TRPM3: variants seen among roughly 807,000 people sequenced by gnomAD.
TRPM3 encodes the protein long transient receptor potential channel 3.
Under a neutral mutation model 181.2 loss-of-function variants are expected in TRPM3, and 77 were observed. The ratio of observed to expected loss-of-function variants is 0.42; its 90% confidence interval spans 0.35 to 0.51. The LOEUF is 0.51. Among genes scored for constraint, TRPM3 ranks in the 20% least tolerant of loss-of-function variants. The pLI, the probability that TRPM3 is intolerant of heterozygous loss-of-function variation, is 0.01. For synonymous variants in TRPM3, 745 were observed against 796.4 expected, an observed-to-expected ratio of 0.94 and a Z score of 1.09; for missense variants, 1,759 against 2,196.7, an observed-to-expected ratio of 0.80 and a Z score of 3.98.
chr9:71,080,268 C>T (rs1219691447), intron 1 of TRPM3, among the ~76,000 whole-genome samples: 2 of 152,050 alleles, frequency 1.3e-5, no homozygotes, highest in African/African-American at 2.4e-5. Context: ...AACGAGACAA[C>T]AGTAACACTA....
intron 1 of TRPM3, among the ~76,000 whole-genome samples, chr9:70,989,153 A>G (rs1412843579): frequency 5.9e-5 from 9 of 152,170 alleles, no homozygotes; most frequent in East Asian, 3.9e-4. Context: ...CACTATATAC[A>G]TATCATGGAA....
intron 1 of TRPM3, among the ~76,000 whole-genome samples, chr9:71,354,018 T>C (rs1469452349): frequency 1.3e-5 from 2 of 152,190 alleles, no homozygotes; most frequent in Non-Finnish European, 2.9e-5. Flanking sequence ...TCTCAAGCAC[T>C]GCAGACTATT....
At chr9:70,906,827 C>T (rs747984676) in intron 1 of TRPM3, among the ~76,000 whole-genome samples, 13 of 152,080 alleles carry the variant, frequency 8.5e-5, no homozygotes, top group Non-Finnish European at 1.2e-4. Flanking sequence ...TGGTTGAACC[C>T]GGGAGGCAGA....
chr9:71,262,656 G>T (rs2083142617), intron 1 of TRPM3, among the ~76,000 whole-genome samples: 1 of 152,234 alleles, frequency 6.6e-6, no homozygotes, highest in Admixed American at 6.5e-5. Flanking sequence ...CAGGGTGCCT[G>T]TGGTGTAGGC....
rs188245739 is a variant in TRPM3, at chr9:70,801,352, G to T, written c.974-17073C>A. Among the ~76,000 whole-genome samples the T allele has an allele frequency of 2.3e-3, 345 of 152,148 alleles. 3 individuals carry two copies. Among genetic ancestry groups the T allele is most frequent in the African/African-American group, 7.9e-3 (326 of 41,512 alleles). On this transcript the variant is annotated intron_variant, in intron 6 of 25. Coordinates refer to ENST00000677713, the MANE Select transcript of TRPM3 (RefSeq NM_001366145.2). ...CTGGTTTCCTGGGATCAAGTTTCTC[G>T]CTCCGTCTAAATCACAGCTGTTCAT...
chr9:71,216,207 C>A (rs2131825550), intron 1 of TRPM3, among the ~76,000 whole-genome samples: 1 of 152,056 alleles, frequency 6.6e-6, no homozygotes, highest in South Asian at 2.1e-4. Flanking sequence ...TTGGTTCAAA[C>A]AATTACATTG....
At chr9:71,216,883 A>G (rs937350199) in intron 1 of TRPM3, among the ~76,000 whole-genome samples, 1 of 148,014 alleles carries the variant, frequency 6.8e-6, no homozygotes, top group Non-Finnish European at 1.5e-5. Flanking sequence ...TGAAAATACC[A>G]TTGCTGTAAT....
At chr9:71,068,635 GTGT>G (rs2062263134) in intron 1 of TRPM3, among the ~76,000 whole-genome samples, 1 of 152,184 alleles carries the variant, frequency 6.6e-6, no homozygotes, top group Non-Finnish European at 1.5e-5. Context: ...CAGGACCTCT[GTGT>G]TACATGCTAT....
chr9:70,681,383 T>C, intron 9 of TRPM3, 123 bp downstream of exon 9: 1 of 789,378 alleles, frequency 1.3e-6, no homozygotes, highest in Non-Finnish European at 2.1e-6. Context: ...GAGACCCCTA[T>C]GTTATCAATA....
At chr9:71,144,829 T>C (rs996711758) in intron 1 of TRPM3, among the ~76,000 whole-genome samples, 8 of 152,100 alleles carry the variant, frequency 5.3e-5, no homozygotes, top group Non-Finnish European at 1.0e-4. Context: ...ATAATTTTAA[T>C]GGAAAAAAAT....
Position 71,198,590 on chromosome 9 carries a change from C to G in TRPM3, c.183+248063G>C, listed in dbSNP as rs199626286. On this transcript the variant is annotated intron_variant, in intron 1 of 24. Coordinates refer to the TRPM3 transcript ENST00000357533. ...TTCTCCTTGAAGAGGTCCTTCACAT[C>G]CCTTGTAAGTTGGATTCCTAGGTAT... is the stretch of plus-strand genomic sequence containing the variant. Among the ~76,000 whole-genome samples the G allele has an allele frequency of 2.0e-5, 3 of 151,868 alleles. No individual in the cohort carries two copies. The East Asian group carries it at 5.8e-4, about 29-fold the overall frequency.
intron 1 of TRPM3, among the ~76,000 whole-genome samples, chr9:70,987,859 ATAAT>A (rs1435118058): frequency 6.6e-6 from 1 of 152,102 alleles, no homozygotes; most frequent in Non-Finnish European, 1.5e-5. Context: ...TATTTTATGG[ATAAT>A]TAATAAATCA....
At chr9:70,773,675 C>G (rs1432726833) in intron 7 of TRPM3, among the ~76,000 whole-genome samples, 1 of 152,130 alleles carries the variant, frequency 6.6e-6, no homozygotes, top group Non-Finnish European at 1.5e-5. Context: ...ATTAGCTTGT[C>G]TCTCAGTCCA....
chr9:71,218,525 C>T (rs2080040896), intron 1 of TRPM3, among the ~76,000 whole-genome samples: 1 of 152,124 alleles, frequency 6.6e-6, no homozygotes, highest in South Asian at 2.1e-4. Context: ...TGAAATTTGC[C>T]AAGGAATCTC....
intron 25 of TRPM3, among the ~76,000 whole-genome samples, chr9:70,544,129 T>C (rs1024278950): frequency 2.0e-5 from 3 of 151,990 alleles, no homozygotes; most frequent in Non-Finnish European, 2.9e-5. Flanking sequence ...CACCAGAAAA[T>C]GTAGGTAACC....
At chr9:71,100,731 C>T (rs1033318416) in intron 1 of TRPM3, among the ~76,000 whole-genome samples, 2 of 152,254 alleles carry the variant, frequency 1.3e-5, no homozygotes, top group South Asian at 2.1e-4. Flanking sequence ...AAGTTCACTC[C>T]TTGCCCACTG....
At chr9:71,314,861 A>AT (rs1429279358) in intron 1 of TRPM3, among the ~76,000 whole-genome samples, 3 of 145,906 alleles carry the variant, frequency 2.1e-5, no homozygotes, top group Non-Finnish European at 4.6e-5. Context: ...AGAAGAGGAA[A>AT]TTAAAAAAAA....
intron 11 of TRPM3, among the ~76,000 whole-genome samples, chr9:70,636,739 G>A (rs1200709007): frequency 6.7e-6 from 1 of 149,142 alleles, no homozygotes; most frequent in Non-Finnish European, 1.5e-5. Flanking sequence ...CTGGGCTGGA[G>A]TGCGGTGGTG....
At chr9:70,944,641 T>A (rs1259199845) in intron 1 of TRPM3, among the ~76,000 whole-genome samples, 1 of 152,170 alleles carries the variant, frequency 6.6e-6, no homozygotes, top group African/African-American at 2.4e-5. Flanking sequence ...AAATCCTCCA[T>A]GCTGACAGCT....
Sources: allele counts gnomAD v4.1 joint callset (sites outside exome capture counted in the v4.1 genomes callset), GRCh38; gene constraint gnomAD v4.1.1; transcripts MANE v1.5; gene names NCBI Gene and HGNC (gene_info 2026-07-23, HGNC 2026-07-21).